Variants in MYL4 observed in about 807,000 individuals in gnomAD.
MYL4 encodes atrial myosin light chain 1.
MYL4 carries 16 observed loss-of-function variants against 21.6 expected under a neutral mutation model. The ratio of observed to expected loss-of-function variants is 0.74; its 90% CI spans 0.50 to 1.12. The LOEUF (loss-of-function observed/expected upper bound fraction) is 1.12. MYL4 is among the 50% of genes most tolerant of loss of function. The pLI, the probability that MYL4 is intolerant of heterozygous loss-of-function variation, is 0.00. For missense variants in MYL4, 249 were observed against 252.9 expected (o/e 0.98, Z 0.11); for synonymous variants, 82 against 95.7 (o/e 0.86, Z 0.83).
At chr17:47,192,412 G>A in the MYL4 span, among the ~76,000 whole-genome samples, 4 of 151,726 alleles carry the variant, frequency 2.6e-5, no homozygotes, top group East Asian at 1.9e-4. Flanking sequence ...CACTTTAGGA[G>A]GCCAAGGCGG....
Position 47,219,963 on chromosome 17 carries a change from T to A in MYL4, c.223T>A (p.Tyr75Asn), listed in dbSNP as rs1184329279. Residue 75 changes from tyrosine to asparagine, a missense_variant, in exon 3 of 7, where the codon TAC becomes AAC. Tyr to Asn is a moderately radical substitution (Grantham distance 143, BLOSUM62 -2). Transcript: ENST00000393450. ...RTPTGEMKIT[Y>N]GQCGDVLRAL... ...CCCGACTGGAGAGATGAAGATCACC[T>A]ACGGCCAGTGCGGGGATGTACTGCG... 1 of 1,614,220 alleles carries A rather than the reference T, an allele frequency of 6.2e-7. No individual in the cohort carries two copies. The highest frequency in any genetic ancestry group is 8.5e-7 in the Non-Finnish European group (1 of 1,180,038).
At chr17:47,191,487 C>T in the MYL4 span, among the ~76,000 whole-genome samples, 3 of 151,542 alleles carry the variant, frequency 2.0e-5, no homozygotes, top group Admixed American at 6.5e-5. Flanking sequence ...TTTTTTTTTC[C>T]GAGACTGAGT....
At chr17:47,199,909 TG>T (rs2064703665), upstream of MYL4, among the ~76,000 whole-genome samples, 1 of 149,948 alleles carries the variant, frequency 6.7e-6, no homozygotes, top group African/African-American at 2.5e-5. Context: ...CTAATTTTTG[TG>T]GGTTTTTTTT....
chr17:47,221,890 G>A, intron 4 of MYL4, 35 bp downstream of exon 4: 1 of 1,596,884 alleles, frequency 6.3e-7, no homozygotes, highest in Non-Finnish European at 8.6e-7. Flanking sequence ...GACCAAGTGG[G>A]AGGAATGGAG....
Position 47,210,139 on chromosome 17 carries a change from G to A in MYL4, c.135+582G>A, listed in dbSNP as rs575558768. Among the ~76,000 whole-genome samples the A allele has an allele frequency of 9.9e-4, 151 of 152,250 alleles. 1 individual carries two copies. Among genetic ancestry groups the A allele is most frequent in the African/African-American group, 3.3e-3 (136 of 41,532 alleles). On this transcript the variant is annotated intron_variant, in intron 1 of 6. Coordinates refer to ENST00000393450, the MANE Select transcript of MYL4 (RefSeq NM_002476.2). ...CCTCTCTCTCTTTCCTTACCCAGAC[G>A]GGCCTTTCCTTCTGTGGCCTTAGCC...
chr17:47,222,981 C>T (rs1262132751), intron 5 of MYL4, 33 bp from the exon 6 acceptor site: 1 of 1,614,078 alleles, frequency 6.2e-7, no homozygotes, highest in Non-Finnish European at 8.5e-7. Flanking sequence ...AGGCGCTGAG[C>T]CACATGGTGG....
At chr17:47,212,093 C>T (rs963641794) in intron 1 of MYL4, among the ~76,000 whole-genome samples, 39 of 152,024 alleles carry the variant, frequency 2.6e-4, no homozygotes, top group African/African-American at 8.7e-4. Flanking sequence ...GGCGTTATGG[C>T]GGGTGCCTGT....
rs538531387 is a variant in MYL4 at position 47,211,897 on chromosome 17, G to A, written c.136-1902G>A. Among the ~76,000 whole-genome samples the A allele has an allele frequency of 1.9e-3, 289 of 152,242 alleles. 1 individual carries two copies. Among genetic ancestry groups the A allele is most frequent in the Non-Finnish European group, 3.6e-3 (245 of 68,018 alleles). On this transcript the variant is annotated intron_variant, in intron 1 of 6. Transcript: ENST00000393450. ...GGATGGGGTGGGGTGGGGTGCATAA[G>A]GACCACGAGGTAACATACAAGATCT...
At chr17:47,207,963 G>T (rs369464287), upstream of MYL4, among the ~76,000 whole-genome samples, 1 of 152,050 alleles carries the variant, frequency 6.6e-6, no homozygotes, top group Admixed American at 6.5e-5. Flanking sequence ...GTCTCTCCCC[G>T]ACAACTGGAT....
At chr17:47,202,940 A>AATAT (rs2064714808) in intron 1 of MYL4, among the ~76,000 whole-genome samples, 1 of 151,848 alleles carries the variant, frequency 6.6e-6, no homozygotes, top group African/African-American at 2.4e-5. Context: ...TTGAAGCTTA[A>AATAT]ATTTATTTAT....
chr17:47,215,024 A>G (rs1440888029), intron 2 of MYL4, among the ~76,000 whole-genome samples: 1 of 152,088 alleles, frequency 6.6e-6, no homozygotes, highest in African/African-American at 2.4e-5. Flanking sequence ...TGGCCTTCCT[A>G]GCAGGGTTTA....
intron 2 of MYL4, among the ~76,000 whole-genome samples, chr17:47,219,031 G>C (rs2064835332): frequency 6.6e-6 from 1 of 152,192 alleles, no homozygotes; most frequent in African/African-American, 2.4e-5. Flanking sequence ...GATCCCACCT[G>C]CAACCCACTC....
At chr17:47,218,719 G>A (rs369195210) in intron 2 of MYL4, among the ~76,000 whole-genome samples, 5 of 152,168 alleles carry the variant, frequency 3.3e-5, no homozygotes, top group East Asian at 3.9e-4. Context: ...TCTGGGAGGC[G>A]GAGGTTGCAG....
intron 1 of MYL4, among the ~76,000 whole-genome samples, chr17:47,202,211 C>T (rs1374324988): frequency 6.6e-6 from 1 of 152,200 alleles, no homozygotes; most frequent in Non-Finnish European, 1.5e-5. Context: ...GTCTCAAACT[C>T]CTGACCTGAA....
chr17:47,221,311 C>G (rs1399796680), intron 3 of MYL4, among the ~76,000 whole-genome samples: 1 of 152,208 alleles, frequency 6.6e-6, no homozygotes, highest in Non-Finnish European at 1.5e-5. Flanking sequence ...AGGGTCTAAA[C>G]TGAGTGTGAG....
chr17:47,199,265 T>C (rs2064700791), upstream of MYL4, among the ~76,000 whole-genome samples: 1 of 146,750 alleles, frequency 6.8e-6, no homozygotes, highest in South Asian at 2.1e-4. Context: ...ATTATACCAC[T>C]GTATTCCAGC....
chr17:47,195,161 C>A, the MYL4 span, among the ~76,000 whole-genome samples: 1 of 149,540 alleles, frequency 6.7e-6, no homozygotes, highest in East Asian at 2.0e-4. Flanking sequence ...CGGGTTCAAG[C>A]AATTCTCCTG....
downstream of MYL4, among the ~76,000 whole-genome samples, chr17:47,224,249 G>A (rs1032612939): frequency 2.6e-5 from 4 of 152,152 alleles, no homozygotes; most frequent in Admixed American, 6.5e-5. Flanking sequence ...CACAATCATG[G>A]CGGAAGGCAA....
intron 2 of MYL4, among the ~76,000 whole-genome samples, chr17:47,214,595 A>T (rs1464205723): frequency 2.0e-5 from 3 of 152,244 alleles, no homozygotes; most frequent in Non-Finnish European, 4.4e-5. Context: ...TGCACATGGT[A>T]AAACAAAAAA....
Sources: gnomAD v4.1 joint callset for allele counts (sites outside exome capture counted in the v4.1 genomes callset) on GRCh38, gnomAD v4.1.1 for gene constraint, MANE v1.5 for transcripts, NCBI Gene and HGNC (gene_info 2026-07-23, HGNC 2026-07-21) for gene names.